The following SMG6 variants were observed in gnomAD, a reference collection of about 807,000 sequenced individuals.
SMG6 encodes SMG6 nonsense mediated mRNA decay factor.
A neutral mutation model predicts 142.2 loss-of-function variants in SMG6; 66 were observed. That is an observed-to-expected ratio of 0.46 (90% CI 0.38 to 0.57). The LOEUF (loss-of-function observed/expected upper bound fraction) is 0.57, where lower values mean the gene tolerates loss of function less well. Ranked by LOEUF, SMG6 falls within the 20% of genes least tolerant of loss-of-function variation. The pLI, the probability that SMG6 is intolerant of heterozygous loss-of-function variation, is 0.00. For synonymous variants in SMG6, 779 were observed against 702.4 expected, an observed-to-expected ratio of 1.11 and a Z score of -1.72; for missense variants, 1,793 against 1,832.0, an observed-to-expected ratio of 0.98 and a Z score of 0.39.
At chr17:2,122,271 G>C (rs980010436) in intron 13 of SMG6, 5 of 152,126 alleles carry the variant, frequency 3.3e-5, no homozygotes, top group Admixed American at 1.3e-4. Flanking sequence ...GCTCACTGGA[G>C]AATGTTCAAC....
chr17:2,125,352 C>T (rs1324182920), intron 13 of SMG6, among the ~76,000 whole-genome samples: 1 of 152,114 alleles, frequency 6.6e-6, no homozygotes, highest in East Asian at 1.9e-4. Flanking sequence ...TACTACAAGG[C>T]CTCTGAAGAC....
intron 10 of SMG6, among the ~76,000 whole-genome samples, chr17:2,193,889 G>A (rs2072239188): frequency 6.6e-6 from 1 of 152,166 alleles, no homozygotes; most frequent in Admixed American, 6.5e-5. Flanking sequence ...GTGGTGCAGT[G>A]GTACAACTGT....
chr17:2,103,321 T>C (rs2069063281), intron 13 of SMG6, among the ~76,000 whole-genome samples: 1 of 152,122 alleles, frequency 6.6e-6, no homozygotes. Context: ...GGGTTAAAGA[T>C]TCAGAATGCG....
chr17:2,067,289 AC>A lies in SMG6; in HGVS notation c.3835+1488del, dbSNP rs546980930. Among the ~76,000 whole-genome samples, 9 of 152,312 alleles carry A rather than the reference AC, an allele frequency of 5.9e-5. No individual in the cohort carries two copies. The East Asian group carries it at 1.5e-3, about 26-fold the overall frequency. On this transcript the variant is annotated intron_variant, in intron 16 of 18. Transcript: ENST00000263073. Reference sequence around the variant, plus strand: ...CAGCCTGCCTTTCACCGGATCAAGAACAAGGAGACTCAGCCCACAGCCTGGG... The same window carrying A: ...CAGCCTGCCTTTCACCGGATCAAGAAAAGGAGACTCAGCCCACAGCCTGGG...
intron 13 of SMG6, among the ~76,000 whole-genome samples, chr17:2,114,882 G>A (rs1333722150): frequency 9.7e-6 from 1 of 103,506 alleles, no homozygotes; most frequent in Non-Finnish European, 1.9e-5. Flanking sequence ...AGTCGAAATC[G>A]TGCCACTGCA....
chr17:2,251,019 G>A (rs549442480), intron 8 of SMG6, among the ~76,000 whole-genome samples: 1 of 151,860 alleles, frequency 6.6e-6, no homozygotes, highest in Non-Finnish European at 1.5e-5. Flanking sequence ...ATACCAACTT[G>A]CCCACTGGCC....
intron 10 of SMG6, among the ~76,000 whole-genome samples, chr17:2,206,195 T>C (rs2151734923): frequency 6.6e-6 from 1 of 152,200 alleles, no homozygotes; most frequent in South Asian, 2.1e-4. Flanking sequence ...ATCTATATGG[T>C]GAAACAAAAT....
At chr17:2,300,824 T>C (rs557703449) in intron 1 of SMG6, among the ~76,000 whole-genome samples, 160 bp from the exon 2 acceptor site, 237 of 152,348 alleles carry the variant, frequency 1.6e-3, no homozygotes, top group African/African-American at 5.2e-3. Flanking sequence ...GACATTTCTG[T>C]AGAAGCAGAA....
intron 13 of SMG6, among the ~76,000 whole-genome samples, chr17:2,141,762 G>A (rs1468386882): frequency 6.6e-6 from 1 of 152,170 alleles, no homozygotes; most frequent in Non-Finnish European, 1.5e-5. Context: ...ACTTTTTATA[G>A]TGACTGTCTC....
chr17:2,250,490 T>C (rs924642281), intron 8 of SMG6, among the ~76,000 whole-genome samples: 7 of 151,770 alleles, frequency 4.6e-5, no homozygotes, highest in African/African-American at 1.7e-4. Context: ...TAGGCTCAAG[T>C]GATCCTCCCG....
chr17:2,085,818 T>C lies in SMG6; in HGVS notation c.3441A>G (p.Ala1147=). ...CTGACACATACTTTCCACCCTTGAA[T>C]GCCAGCAGAGGCTCTTCTTGTCCAC... The part of the protein sequence containing the change: ...ALCGQEEPLL[A]FKGGKYVSVA... Residue 1147 remains alanine (A), a synonymous_variant, in exon 14 of 19, where the codon GCA becomes GCG. Transcript: ENST00000263073. This position sits in a 1 kb window ranked among gnomAD's most constrained non-coding sequence, Gnocchi z 4.1. 6.2e-7 allele frequency: 1 copy of C among 1,614,200 alleles called. No individual in the cohort carries two copies. The highest frequency in any genetic ancestry group is 8.5e-7 in the Non-Finnish European group (1 of 1,180,036).
chr17:2,241,223 T>A (rs2073793610), intron 9 of SMG6, among the ~76,000 whole-genome samples: 1 of 152,108 alleles, frequency 6.6e-6, no homozygotes. Context: ...ATAAAAGAGA[T>A]CCTGAAAAAT....
chr17:2,151,054 G>T (rs1324278933), intron 13 of SMG6, among the ~76,000 whole-genome samples: 1 of 152,210 alleles, frequency 6.6e-6, no homozygotes, highest in African/African-American at 2.4e-5. Flanking sequence ...CAAATTACAG[G>T]AACGCTGGAC....
intron 13 of SMG6, chr17:2,088,180 G>A (rs866541488): frequency 2.0e-6 from 2 of 985,436 alleles, no homozygotes; most frequent in South Asian, 4.7e-5. Flanking sequence ...GCACAGACAG[G>A]CGGGCAGGAG....
rs747464437 is a variant in SMG6, at chr17:2,071,597, G to A, written c.3682-2666C>T. Reference sequence around the variant, plus strand: ...GCTGCCATCATCCGGTCCCAGGGACGCCCGCAGACAACTTCCCTTAACCTG... The same window carrying A: ...GCTGCCATCATCCGGTCCCAGGGACACCCGCAGACAACTTCCCTTAACCTG... On this transcript the variant is annotated intron_variant, in intron 15 of 18. Transcript: ENST00000263073. The surrounding 1 kb of genome is among the most constrained non-coding windows in gnomAD (Gnocchi z 5.6). 1.2e-4 allele frequency among the ~76,000 whole-genome samples: 18 copies of A among 152,278 alleles called. 1 individual carries two copies. The South Asian group carries it at 3.7e-3, about 32-fold the overall frequency.
chr17:2,136,395 A>G (rs918942344), intron 13 of SMG6, among the ~76,000 whole-genome samples: 4 of 152,212 alleles, frequency 2.6e-5, no homozygotes, highest in Non-Finnish European at 5.9e-5. Context: ...TCAACCACAC[A>G]GTGAGCTCTA....
At chr17:2,226,599 C>CAAAA (rs894880317) in intron 10 of SMG6, among the ~76,000 whole-genome samples, 29 of 139,306 alleles carry the variant, frequency 2.1e-4, no homozygotes, top group African/African-American at 4.2e-4. Context: ...AACAAACAAA[C>CAAAA]AAAAAAAAAA....
At chr17:2,230,937 C>G (rs962722827) in intron 10 of SMG6, among the ~76,000 whole-genome samples, 14 of 152,172 alleles carry the variant, frequency 9.2e-5, no homozygotes, top group African/African-American at 2.9e-4. Flanking sequence ...CTACGGAAAT[C>G]TACCCACAGA....
chr17:2,130,959 C>T (rs1460900364), intron 13 of SMG6, among the ~76,000 whole-genome samples: 31 of 151,960 alleles, frequency 2.0e-4, no homozygotes, highest in Admixed American at 1.8e-3. Context: ...GCCGAGATCA[C>T]GCCACTGCAC....
Sources: gnomAD v4.1 joint callset for allele counts (sites outside exome capture counted in the v4.1 genomes callset) on GRCh38, gnomAD v4.1.1 for gene constraint, Gnocchi (gnomAD v3.1) non-coding constraint, MANE v1.5 for transcripts, NCBI Gene and HGNC (gene_info 2026-07-23, HGNC 2026-07-21) for gene names.